ZEB2: variants seen among roughly 807,000 people sequenced by gnomAD.
ZEB2 encodes zinc finger E-box binding homeobox 2, also known as zinc finger E-box-binding homeobox 2.
ZEB2 carries 6 observed loss-of-function variants against 99.9 expected under a neutral mutation model. The ratio of observed to expected loss-of-function variants is 0.06; its 90% CI spans 0.03 to 0.12. ZEB2 has a LOEUF of 0.12. ZEB2 is among the 10% of genes least tolerant of loss of function. The pLI, the probability that ZEB2 is intolerant of heterozygous loss-of-function variation, is 1.00. For synonymous variants in ZEB2, 517 were observed against 542.5 expected (o/e 0.95, Z 0.65); for missense variants, 969 against 1,502.8 (o/e 0.64, Z 5.87).
intron 2 of ZEB2, among the ~76,000 whole-genome samples, chr2:144,435,161 G>A (rs1358469285): frequency 6.6e-6 from 1 of 152,070 alleles, no homozygotes; most frequent in Non-Finnish European, 1.5e-5. Context: ...TTTTTGTGTT[G>A]GCCCTTCACT....
intron 2 of ZEB2, among the ~76,000 whole-genome samples, chr2:144,514,762 C>A (rs73962026): frequency 0.058 from 8,803 of 152,242 alleles, 794 homozygotes; most frequent in African/African-American, 0.19. Context: ...AGGTAACAGT[C>A]AAAGTTAGAG....
intron 2 of ZEB2, among the ~76,000 whole-genome samples, chr2:144,503,474 T>C (rs775259384): frequency 6.6e-6 from 1 of 152,102 alleles, no homozygotes; most frequent in Non-Finnish European, 1.5e-5. Flanking sequence ...ATGCCTGTCA[T>C]ACACAGAGCT....
chr2:144,465,053 C>T (rs1000217671), intron 2 of ZEB2, among the ~76,000 whole-genome samples: 4 of 152,154 alleles, frequency 2.6e-5, no homozygotes, highest in Admixed American at 1.3e-4. Flanking sequence ...CTCACCTTTC[C>T]GCCAGCTAAT....
At chr2:144,473,131 G>C (rs1704381663) in intron 2 of ZEB2, among the ~76,000 whole-genome samples, 1 of 152,202 alleles carries the variant, frequency 6.6e-6, no homozygotes, top group Admixed American at 6.5e-5. Flanking sequence ...GAATGGAAAG[G>C]AAAGGGGTGG....
At chr2:144,454,413 G>A (rs981026504) in intron 2 of ZEB2, among the ~76,000 whole-genome samples, 2 of 152,048 alleles carry the variant, frequency 1.3e-5, no homozygotes, top group African/African-American at 4.8e-5. Context: ...CATCAAAAGC[G>A]AACAAGAAGC....
rs140563347 is a variant in ZEB2, at chr2:144,437,259, C to T, written c.74-7233G>A. Among the ~76,000 whole-genome samples, 49 of 152,242 alleles carry T rather than the reference C, an allele frequency of 3.2e-4. No individual in the cohort carries two copies. The East Asian group carries it at 8.9e-3, about 28-fold the overall frequency. ...CTTTGATGGCTAAAAAGTCTAACAG[C>T]ACCTTCATCAGCAAGCCTAGCATGA... On this transcript the variant is annotated intron_variant, in intron 2 of 9. Coordinates refer to ENST00000627532, the MANE Select transcript of ZEB2 (RefSeq NM_014795.4).
At chr2:144,516,441 C>A (rs1166222514) in intron 2 of ZEB2, 1 of 147,314 alleles carries the variant, frequency 6.8e-6, no homozygotes, top group Non-Finnish European at 1.5e-5. Context: ...CTCTCACCCC[C>A]CCCTTTAATA....
At chr2:144,493,871 G>A (rs1257237446) in intron 2 of ZEB2, among the ~76,000 whole-genome samples, 1 of 151,990 alleles carries the variant, frequency 6.6e-6, no homozygotes, top group African/African-American at 2.4e-5. Context: ...TGTCAAAAAC[G>A]GCCAGGCGCA....
intron 2 of ZEB2, among the ~76,000 whole-genome samples, chr2:144,502,077 G>A (rs565679561): frequency 3.9e-5 from 6 of 152,256 alleles, no homozygotes; most frequent in East Asian, 1.9e-4. Flanking sequence ...AAGAAAGCAC[G>A]CTTAGGGCAG....
intron 2 of ZEB2, among the ~76,000 whole-genome samples, chr2:144,510,342 C>T (rs978391209): frequency 6.6e-6 from 1 of 152,080 alleles, no homozygotes; most frequent in Non-Finnish European, 1.5e-5. Context: ...GTCTCCAGCT[C>T]GCCCGTCCCT....
chr2:144,420,160 T>C (rs1471974809), intron 4 of ZEB2, among the ~76,000 whole-genome samples: 1 of 152,244 alleles, frequency 6.6e-6, no homozygotes, highest in Non-Finnish European at 1.5e-5. Flanking sequence ...ACTGGGCTTG[T>C]TGAGGCAAAT....
At chr2:144,465,396 G>T (rs1327854050) in intron 2 of ZEB2, among the ~76,000 whole-genome samples, 3 of 152,146 alleles carry the variant, frequency 2.0e-5, no homozygotes, top group African/African-American at 7.2e-5. Flanking sequence ...GAGCAACAAT[G>T]TTCTGCAATT....
chr2:144,499,306 C>T (rs1018783831), intron 2 of ZEB2, among the ~76,000 whole-genome samples: 3 of 152,184 alleles, frequency 2.0e-5, no homozygotes, highest in Non-Finnish European at 4.4e-5. Context: ...AGAATAAGCA[C>T]ATGAAAGTTA....
chr2:144,483,545 G>T (rs1704549376), intron 2 of ZEB2, among the ~76,000 whole-genome samples: 1 of 152,042 alleles, frequency 6.6e-6, no homozygotes, highest in South Asian at 2.1e-4. Context: ...CAGTTCCCAG[G>T]CCAATATAAT....
intron 2 of ZEB2, among the ~76,000 whole-genome samples, chr2:144,504,839 A>G (rs894502574): frequency 6.6e-6 from 1 of 152,182 alleles, no homozygotes; most frequent in Non-Finnish European, 1.5e-5. Context: ...GAGACTACAG[A>G]AAAGGTAGAG....
rs562462368 is a variant in ZEB2, at chr2:144,484,349, C to T, written c.73+32929G>A. Among the ~76,000 whole-genome samples, 21 of 152,234 alleles carry T rather than the reference C, an allele frequency of 1.4e-4. No individual in the cohort carries two copies. In the South Asian group the frequency reaches 4.4e-3, roughly 32 times the overall value. ...GCATTTTATCATTAGGAATGTGAGG[C>T]CCAGAGAGGTTAAGGATGTGTCCAA... On this transcript the variant is annotated intron_variant, in intron 2 of 9. Coordinates refer to ENST00000627532, the MANE Select transcript of ZEB2 (RefSeq NM_014795.4).
At position 144,408,780 on chromosome 2, in the gene ZEB2, A is replaced by T. The variant is rs188284441; in HGVS notation, c.404-3756T>A. 7.9e-5 allele frequency among the ~76,000 whole-genome samples: 12 copies of T among 152,296 alleles called. No individual in the cohort carries two copies. The East Asian group carries it at 1.9e-3, about 25-fold the overall frequency. On this transcript the variant is annotated intron_variant, in intron 4 of 9. Coordinates refer to ENST00000627532, the MANE Select transcript of ZEB2 (RefSeq NM_014795.4). ...TGTTACCATGTGATCCTGCTCCCCT[A>T]GCCACAATTGATCTCTGTTGCTCAG... is the stretch of plus-strand genomic sequence containing the variant.
At position 144,497,957 on chromosome 2, in the gene ZEB2, A is replaced by G. The variant is rs55885983; in HGVS notation, c.73+19321T>C. On this transcript the variant is annotated intron_variant, in intron 2 of 9. Transcript: ENST00000627532. ...ATATTAATATTATATATTATATAAT[A>G]TATATTAATATTATATATTATATAA... Among the ~76,000 whole-genome samples the G allele has an allele frequency of 1.6e-4, 8 of 51,582 alleles. No homozygotes were observed. In the South Asian group the frequency reaches 2.0e-3, roughly 13 times the overall value. The allele number at this position is 51,582 out of a possible 152,430, so 33.8% of individuals were successfully genotyped here.
intron 4 of ZEB2, 22 bp downstream of exon 4, chr2:144,424,774 G>A (rs1411302207): frequency 6.2e-7 from 1 of 1,613,894 alleles, no homozygotes; most frequent in South Asian, 1.1e-5. Flanking sequence ...AATGTGATCT[G>A]AGCGTGGCCA....
Sources: allele counts gnomAD v4.1 joint callset (sites outside exome capture counted in the v4.1 genomes callset), GRCh38; gene constraint gnomAD v4.1.1; transcripts MANE v1.5; gene names NCBI Gene and HGNC (gene_info 2026-07-23, HGNC 2026-07-21).